Variants in FALEC observed in about 807,000 individuals in gnomAD.
FALEC encodes focally amplified lncRNA regulator of ECM1, also known as focally amplified lncRNA on chromosome 1.
downstream of FALEC, among the ~76,000 whole-genome samples, chr1:150,520,783 C>CTTTTTTTTTTTTTTTTTTTTTTTTTTTT (rs71086518): frequency 1.4e-4 from 6 of 42,822 alleles, 2 homozygotes; most frequent in Non-Finnish European, 2.1e-4. Flanking sequence ...CTTTTCTTTT[C>CTTTTTTTTTTTTTTTTTTTTTTTTTTTT]TTTTTTTTTT....
chr1:150,516,799 G>A (rs945890090), intron 1 of FALEC, among the ~76,000 whole-genome samples: 2 of 152,160 alleles, frequency 1.3e-5, no homozygotes, highest in African/African-American at 4.8e-5. Flanking sequence ...TTCAGCTAAA[G>A]TAAACAGTCC....
chr1:150,534,715 G>A, the FALEC span, among the ~76,000 whole-genome samples: 2 of 151,950 alleles, frequency 1.3e-5, no homozygotes, highest in Non-Finnish European at 2.9e-5. Flanking sequence ...GGTGGCGCGT[G>A]GCTGTAATCC....
chr1:150,524,357 C>CA, the FALEC span, among the ~76,000 whole-genome samples: 1 of 127,144 alleles, frequency 7.9e-6, no homozygotes, highest in African/African-American at 3.1e-5. Flanking sequence ...ACCAGAGACT[C>CA]AAAAAAATCT....
chr1:150,534,063 C>T, the FALEC span, among the ~76,000 whole-genome samples: 1 of 152,356 alleles, frequency 6.6e-6, no homozygotes, highest in East Asian at 1.9e-4. Flanking sequence ...GGAGGCCCTT[C>T]CCATCCTTAA....
downstream of FALEC, among the ~76,000 whole-genome samples, chr1:150,522,866 CGTATATATACAT>C (rs1560270628): frequency 2.0e-4 from 18 of 91,468 alleles, no homozygotes; most frequent in Non-Finnish European, 2.7e-4. Context: ...TATATATATA[CGTATATATACAT>C]ATATATATAC....
At chr1:150,527,415 C>T in the FALEC span, among the ~76,000 whole-genome samples, 2 of 151,038 alleles carry the variant, frequency 1.3e-5, no homozygotes, top group South Asian at 2.1e-4. Flanking sequence ...CCCACCACCA[C>T]GCCTGGCTAA....
chr1:150,534,711 G>A, the FALEC span, among the ~76,000 whole-genome samples: 28 of 152,052 alleles, frequency 1.8e-4, no homozygotes, highest in Admixed American at 7.9e-4. Flanking sequence ...GTGTGGTGGC[G>A]CGTGGCTGTA....
the FALEC span, among the ~76,000 whole-genome samples, chr1:150,533,254 C>T: frequency 6.6e-6 from 1 of 152,052 alleles, no homozygotes; most frequent in Admixed American, 6.6e-5. Flanking sequence ...GCAGAGGGCA[C>T]CCGTGGGTGT....
At chr1:150,519,950 C>T (rs1014235989), downstream of FALEC, among the ~76,000 whole-genome samples, 1 of 151,860 alleles carries the variant, frequency 6.6e-6, no homozygotes, top group African/African-American at 2.4e-5. Flanking sequence ...GTCGGGAGTT[C>T]GAGACCAGCC....
At chr1:150,518,631 G>A (rs865851056), downstream of FALEC, among the ~76,000 whole-genome samples, 6 of 151,544 alleles carry the variant, frequency 4.0e-5, no homozygotes, top group African/African-American at 7.3e-5. Context: ...CAGGTGATCC[G>A]CCTGCCTCAG....
At chr1:150,522,867 GTATATATACATATATATATACGTATATA>G (rs1670664252), downstream of FALEC, among the ~76,000 whole-genome samples, 1 of 68,108 alleles carries the variant, frequency 1.5e-5, no homozygotes, top group South Asian at 5.2e-4. Context: ...ATATATATAC[GTATATATACATATATATATACGTATATA>G]TATATATACA....
At chr1:150,522,728 C>A (rs1288055447), downstream of FALEC, among the ~76,000 whole-genome samples, 2 of 150,588 alleles carry the variant, frequency 1.3e-5, no homozygotes, top group Non-Finnish European at 2.9e-5. Flanking sequence ...TTGCAGTGTA[C>A]TGTAAGTGTA....
the FALEC span, among the ~76,000 whole-genome samples, chr1:150,535,569 T>C: frequency 1.3e-5 from 2 of 152,196 alleles, no homozygotes; most frequent in African/African-American, 4.8e-5. Context: ...CTAAATTAAA[T>C]AGTAATACAA....
chr1:150,518,387 T>TC (rs978296266), downstream of FALEC, among the ~76,000 whole-genome samples: 12 of 61,116 alleles, frequency 2.0e-4, no homozygotes, highest in African/African-American at 3.3e-4. Flanking sequence ...AGTCTCTCTC[T>TC]TTTTTTTTTT....
At chr1:150,534,386 C>A in the FALEC span, among the ~76,000 whole-genome samples, 2 of 152,242 alleles carry the variant, frequency 1.3e-5, no homozygotes, top group African/African-American at 4.8e-5. Flanking sequence ...GAAAGAGGCA[C>A]CTGGCTGGCC....
chr1:150,532,812 T>C, the FALEC span, among the ~76,000 whole-genome samples: 1 of 150,796 alleles, frequency 6.6e-6, no homozygotes, highest in African/African-American at 2.4e-5. Flanking sequence ...GCAAGTGCCC[T>C]GAGCAAAATA....
downstream of FALEC, among the ~76,000 whole-genome samples, chr1:150,518,354 C>G (rs1334001262): frequency 1.3e-5 from 2 of 150,648 alleles, no homozygotes; most frequent in African/African-American, 4.9e-5. Flanking sequence ...TCTCCTTTTT[C>G]CTTGTAGTCT....
chr1:150,534,712 C>T, the FALEC span, among the ~76,000 whole-genome samples: 4 of 151,824 alleles, frequency 2.6e-5, no homozygotes, highest in South Asian at 2.1e-4. Flanking sequence ...TGTGGTGGCG[C>T]GTGGCTGTAA....
At chr1:150,516,761 A>T (rs1273189795) in intron 1 of FALEC, among the ~76,000 whole-genome samples, 1 of 152,196 alleles carries the variant, frequency 6.6e-6, no homozygotes, top group South Asian at 2.1e-4. Flanking sequence ...AAAGGGAAGG[A>T]TATACAAAGC....
Sources: allele counts gnomAD v4.1 joint callset (sites outside exome capture counted in the v4.1 genomes callset), GRCh38; gene constraint gnomAD v4.1.1; transcripts MANE v1.5; gene names NCBI Gene and HGNC (gene_info 2026-07-23, HGNC 2026-07-21).